Variants in GRIN1 observed in about 807,000 individuals in gnomAD.
GRIN1 encodes the protein glutamate ionotropic receptor NMDA type subunit 1.
Under a neutral mutation model 103.0 loss-of-function variants are expected in GRIN1, and 38 were observed. The ratio of observed to expected loss-of-function variants is 0.37; its 90% CI spans 0.28 to 0.48. The LOEUF is 0.48. Among genes scored for constraint, GRIN1 ranks in the 20% least tolerant of loss-of-function variants. GRIN1 has a pLI of 0.98. For missense variants in GRIN1, 577 were observed against 1,288.9 expected (o/e 0.45, Z 8.46); for synonymous variants, 544 against 532.7 (o/e 1.02, Z -0.29).
At position 137,142,029 on chromosome 9, in the gene GRIN1, T is replaced by G; in HGVS notation, c.275T>G (p.Val92Gly). Reference protein sequence around the residue: ...LISSQVYAILVSHPPTPNDHF... With the variant: ...LISSQVYAILGSHPPTPNDHF... Reference sequence around the variant, plus strand: ...TGTCCACAGGTCTACGCCATCCTAGTTAGCCATCCACCTACCCCCAACGAC... The same window carrying G: ...TGTCCACAGGTCTACGCCATCCTAGGTAGCCATCCACCTACCCCCAACGAC... Residue 92 changes from valine (V) to glycine (G), a missense_variant, in exon 2 of 20, where the codon GTT becomes GGT. Val to Gly is a moderately radical substitution (Grantham distance 109). Around this residue, in one of 9 missense-constraint regions of GRIN1, gnomAD observed 308 missense variants for 553.6 expected, o/e 0.56. Coordinates refer to ENST00000371561, the MANE Select transcript of GRIN1 (RefSeq NM_007327.4). 1 of 1,614,126 alleles carries G rather than the reference T, an allele frequency of 6.2e-7. No individual in the cohort carries two copies. Among genetic ancestry groups the G allele is most frequent in the Non-Finnish European group, 8.5e-7 (1 of 1,179,988 alleles).
chr9:137,143,853 C>G (rs889803275), intron 2 of GRIN1, among the ~76,000 whole-genome samples: 4 of 152,234 alleles, frequency 2.6e-5, no homozygotes, highest in African/African-American at 4.8e-5. Flanking sequence ...CTGAAGGAAC[C>G]AGGGCTTACC....
At chr9:137,147,432 A>G (rs533826599) in intron 3 of GRIN1, among the ~76,000 whole-genome samples, 1 of 151,932 alleles carries the variant, frequency 6.6e-6, no homozygotes, top group East Asian at 1.9e-4. Context: ...GTGCACAGGC[A>G]CACACATGCA....
At position 137,167,486 on chromosome 9, in the gene GRIN1, G is replaced by A; in HGVS notation, c.2776G>A (p.Glu926Lys). The change falls in exon 20 of 20, where the codon GAG becomes AAG. Residue 926 changes from glutamate to lysine, a missense_variant. Physicochemically the swap from Glu to Lys is moderately conservative, Grantham distance 56. This residue lies in a region of GRIN1 where 68 missense variants were observed against 113.0 expected (regional missense o/e 0.60). Coordinates refer to ENST00000371561, the MANE Select transcript of GRIN1 (RefSeq NM_007327.4). ...VLPRRAIERE[E>K]GQLQLCSRHR... is the part of the protein sequence containing the mutation. ...GCCGCGACGCGCTATTGAGAGGGAG[G>A]AGGGCCAGCTGCAGCTGTGTTCCCG... The A allele has an allele frequency of 5.1e-6, 8 of 1,559,250 alleles. No individual in the cohort carries two copies. Among genetic ancestry groups the A allele is most frequent in the Non-Finnish European group, 6.9e-6 (8 of 1,151,640 alleles).
At position 137,156,791 on chromosome 9, in the gene GRIN1, G is replaced by C; in HGVS notation, c.793+1G>C. The stretch of plus-strand genomic sequence containing the variant: ...AACGCCCTGCGCTACGCCCCAGACG[G>C]TGAGTGCTGGGCCTTGGCGGGGTCC... On this transcript the variant is annotated splice_donor_variant, in intron 5 of 19. Transcript: ENST00000371561. LOFTEE classifies it high-confidence loss of function. 1 of 1,595,658 alleles carries C rather than the reference G, an allele frequency of 6.3e-7. No homozygotes were observed. The highest frequency in any genetic ancestry group is 1.7e-4 in the Middle Eastern group (1 of 6,044).
At chr9:137,164,812 C>A in intron 18 of GRIN1, 1 of 321,018 alleles carries the variant, frequency 3.1e-6, no homozygotes, top group Non-Finnish European at 6.1e-6. Flanking sequence ...CCTTGGGGGT[C>A]AGTGGCCTCC....
At chr9:137,153,155 C>T (rs1292635007) in intron 4 of GRIN1, among the ~76,000 whole-genome samples, 4 of 151,750 alleles carry the variant, frequency 2.6e-5, no homozygotes, top group Non-Finnish European at 5.9e-5. Context: ...CATAGTCACA[C>T]CACTCATAGA....
At chr9:137,158,561 T>C (rs1358180069) in intron 7 of GRIN1, 38 bp downstream of exon 7, 1 of 1,605,680 alleles carries the variant, frequency 6.2e-7, no homozygotes, top group Non-Finnish European at 8.5e-7. Context: ...GCTGGGGCCT[T>C]AGGGTCCTGG....
chr9:137,152,916 A>C (rs1410975682), intron 4 of GRIN1, among the ~76,000 whole-genome samples: 1 of 152,034 alleles, frequency 6.6e-6, no homozygotes, highest in Non-Finnish European at 1.5e-5. Context: ...GCATGTATGC[A>C]CATGCCATAT....
intron 5 of GRIN1, 26 bp downstream of exon 5, chr9:137,156,816 C>G: frequency 1.2e-6 from 2 of 1,602,042 alleles, no homozygotes; most frequent in Non-Finnish European, 1.7e-6. Context: ...TGGCGGGGTC[C>G]CCGAACGGGG....
At position 137,161,223 on chromosome 9, in the gene GRIN1, G is replaced by A. The variant is rs1411107131; in HGVS notation, c.1339+26G>A. On this transcript the variant is annotated intron_variant, in intron 9 of 19. Transcript: ENST00000371561. ...GTGAGTGCGCGGGGCAGGGCGCGGG[G>A]CGCGGGGCAGGGCGCGGGGCGTGGG... is the stretch of plus-strand genomic sequence containing the variant. 3 of 1,605,990 alleles carry A rather than the reference G, an allele frequency of 1.9e-6. No homozygotes were observed. In the South Asian group the frequency reaches 3.3e-5, roughly 18 times the overall value.
At position 137,156,018 on chromosome 9, in the gene GRIN1, A is replaced by G. The variant is rs566151718; in HGVS notation, c.672-651A>G. Among the ~76,000 whole-genome samples the G allele has an allele frequency of 9.8e-5, 15 of 152,294 alleles. No homozygotes were observed. In the South Asian group the frequency reaches 2.5e-3, roughly 25 times the overall value. On this transcript the variant is annotated intron_variant, in intron 4 of 19. Transcript: ENST00000371561. ...CTCAACCCCTCATTTCACATGTTTGAACATAGAGGACCAGAGGGGTGTGGC... is the reference window on the plus strand; with the variant it reads ...CTCAACCCCTCATTTCACATGTTTGGACATAGAGGACCAGAGGGGTGTGGC...
At chr9:137,164,996 C>G in intron 18 of GRIN1, 190 bp from the exon 19 acceptor site, 2 of 612,142 alleles carry the variant, frequency 3.3e-6, no homozygotes, top group Non-Finnish European at 6.0e-6. Context: ...AGGTCAGGCC[C>G]GAGACCCCGG....
rs754156215 is a variant in GRIN1 at position 137,162,619 on chromosome 9, C to T, written c.1893C>T (p.Ile631=). 5 of 1,612,622 alleles carry T rather than the reference C, an allele frequency of 3.1e-6. No homozygotes were observed. Among genetic ancestry groups the T allele is most frequent in the South Asian group, 2.2e-5 (2 of 91,034 alleles). ...EGAPRSFSAR[I]LGMVWAGFAM... Reference sequence around the variant, plus strand: ...CCCCCAGAAGCTTCTCAGCGCGCATCCTGGGCATGGTGTGGGCCGGCTTTG... The same window carrying T: ...CCCCCAGAAGCTTCTCAGCGCGCATTCTGGGCATGGTGTGGGCCGGCTTTG... The change falls in exon 14 of 20, where the codon ATC becomes ATT. Residue 631 remains isoleucine (I), a synonymous_variant. Transcript: ENST00000371561.
In GRIN1 at chr9:137,162,861, G is replaced by A; in HGVS notation, c.2029G>A (p.Asp677Asn). The A allele has an allele frequency of 6.2e-7, 1 of 1,612,232 alleles. No homozygotes were observed. Among genetic ancestry groups the A allele is most frequent in the Non-Finnish European group, 8.5e-7 (1 of 1,179,678 alleles). The change falls in exon 15 of 20, where the codon GAC becomes AAC. Residue 677 changes from aspartate to asparagine, a missense_variant. Around this residue, in one of 9 missense-constraint regions of GRIN1, gnomAD observed 59 missense variants for 161.3 expected, o/e 0.37. Transcript: ENST00000371561. The part of the protein sequence containing the change: ...INDPRLRNPS[D>N]KFIYATVKQS... ...GACCCTGCAGCTGAGGAACCCCTCGGACAAGTTTATCTACGCCACGGTGAA... is the reference window on the plus strand; with the variant it reads ...GACCCTGCAGCTGAGGAACCCCTCGAACAAGTTTATCTACGCCACGGTGAA...
chr9:137,156,999 C>T lies in GRIN1; in HGVS notation c.930C>T (p.Gly310=), dbSNP rs1057523802. Reference sequence around the variant, plus strand: ...CCGACCCGCCGCGGGGCTGCGTGGGCAACACCAACATCTGGAAGACCGGGC... The same window carrying T: ...CCGACCCGCCGCGGGGCTGCGTGGGTAACACCAACATCTGGAAGACCGGGC... ...NITDPPRGCV[G]NTNIWKTGPL... is the part of the protein sequence containing the mutation. Residue 310 remains glycine (G), a synonymous_variant, in exon 6 of 20, where the codon GGC becomes GGT. Transcript: ENST00000371561. 1.2e-6 allele frequency: 2 copies of T among 1,606,368 alleles called. No individual in the cohort carries two copies. Among genetic ancestry groups the T allele is most frequent in the South Asian group, 2.2e-5 (2 of 90,976 alleles).
chr9:137,147,595 A>G (rs1832622320), intron 3 of GRIN1, among the ~76,000 whole-genome samples: 1 of 152,136 alleles, frequency 6.6e-6, no homozygotes, highest in African/African-American at 2.4e-5. Flanking sequence ...TGACACCCAC[A>G]GGCGCATGCC....
chr9:137,157,030 T>C lies in GRIN1; in HGVS notation c.961T>C (p.Phe321Leu). ...CAACATCTGGAAGACCGGGCCGCTC[T>C]TCAAGAGGTGGGCGGGGCCTCCCCG... ...NTNIWKTGPL[F>L]KRVLMSSKYA... Residue 321 changes from phenylalanine (F) to leucine (L), a missense_variant, in exon 6 of 20, where the codon TTC (phenylalanine) becomes CTC (leucine). Transcript: ENST00000371561. 2 of 1,611,108 alleles carry C rather than the reference T, an allele frequency of 1.2e-6. No individual in the cohort carries two copies. The highest frequency in any genetic ancestry group is 1.7e-6 in the Non-Finnish European group (2 of 1,179,464).
At position 137,145,715 on chromosome 9, in the gene GRIN1, G is replaced by A. The variant is rs75081117; in HGVS notation, c.394-11G>A. ...GTCCACCTCAGCCCGCCGTGCCCCC[G>A]CCTCCCGCAGAGCATCCACCTGAGC... is the stretch of plus-strand genomic sequence containing the variant. On this transcript the variant is annotated splice_polypyrimidine_tract_variant and intron_variant, in intron 2 of 19. Coordinates refer to ENST00000371561, the MANE Select transcript of GRIN1 (RefSeq NM_007327.4). 3,528 of 1,610,908 alleles carry A rather than the reference G, an allele frequency of 2.2e-3. 38 individuals carry two copies. In the East Asian group the frequency reaches 0.035, roughly 16 times the overall value.
chr9:137,157,779 C>T (rs1008337319), intron 6 of GRIN1, among the ~76,000 whole-genome samples: 3 of 152,256 alleles, frequency 2.0e-5, no homozygotes, highest in Admixed American at 6.5e-5. Flanking sequence ...CACATAAGTG[C>T]AGATGTAGGC....
Sources: gnomAD v4.1 joint callset for allele counts (sites outside exome capture counted in the v4.1 genomes callset) on GRCh38, gnomAD v4.1.1 for gene constraint, gnomAD v4.1.1 regional missense constraint, MANE v1.5 for transcripts, NCBI Gene and HGNC (gene_info 2026-07-23, HGNC 2026-07-21) for gene names.